HTR2C: variants seen among roughly 807,000 people sequenced by gnomAD.
HTR2C encodes 5-hydroxytryptamine (serotonin) receptor 2C, G protein-coupled.
Under a neutral mutation model 21.0 loss-of-function variants are expected in HTR2C, and 5 were observed. The ratio of observed to expected loss-of-function variants is 0.24; its 90% confidence interval spans 0.12 to 0.50. The LOEUF is 0.50. HTR2C is among the 20% of genes least tolerant of loss of function. The pLI, the probability that HTR2C is intolerant of heterozygous loss-of-function variation, is 0.98. For missense variants in HTR2C, 271 were observed against 371.2 expected (o/e 0.73, Z 2.22); for synonymous variants, 150 against 145.3 (o/e 1.03, Z -0.23).
At chrX:114,830,657 T>G (rs782585431) in intron 4 of HTR2C, among the ~76,000 whole-genome samples, 1 of 39,507 alleles carries the variant, frequency 2.5e-5, no homozygotes, top group African/African-American at 8.6e-5. Flanking sequence ...GTTAAAGAGA[T>G]AAACTTTATT....
At chrX:114,805,706 TACCATATATATACCATATATAC>T (rs2070405257) in intron 4 of HTR2C, among the ~76,000 whole-genome samples, 3 of 5,890 alleles carry the variant, frequency 5.1e-4, no homozygotes, top group Non-Finnish European at 7.4e-4. Context: ...ACCATATATA[TACCATATATATACCATATATAC>T]ACCATATATA....
At chrX:114,621,507 T>C (rs964115208) in intron 2 of HTR2C, among the ~76,000 whole-genome samples, 1 of 112,179 alleles carries the variant, frequency 8.9e-6, no homozygotes, top group Admixed American at 9.5e-5. Flanking sequence ...AAATACATCA[T>C]TCTTAGCTTG....
At chrX:114,687,958 C>T (rs1229329974) in intron 2 of HTR2C, among the ~76,000 whole-genome samples, 3 of 111,600 alleles carry the variant, frequency 2.7e-5, no homozygotes, top group East Asian at 2.8e-4. Context: ...TGTTATCCAA[C>T]GTCTCAGAGG....
At chrX:114,694,500 C>G (rs782434184) in intron 2 of HTR2C, among the ~76,000 whole-genome samples, 29 of 33,180 alleles carry the variant, frequency 8.7e-4, no homozygotes, top group Non-Finnish European at 1.6e-3. Flanking sequence ...TATACACACA[C>G]AGATTTAGAC....
chrX:114,775,309 T>C, intron 4 of HTR2C: 1 of 529,889 alleles, frequency 1.9e-6, no homozygotes. Flanking sequence ...GCAGAGACAT[T>C]GAGGATGCCA....
chrX:114,776,042 T>C lies in HTR2C; in HGVS notation c.349+44435T>C, dbSNP rs782213366. On this transcript the variant is annotated intron_variant, in intron 4 of 5. Transcript: ENST00000276198. ...CTCACTGATGTCTTTCTTATACTTA[T>C]GCTTGAACTCAGCAATAAAATGGCT... is the stretch of plus-strand genomic sequence containing the variant. The C allele has an allele frequency of 6.8e-6, 3 of 438,225 alleles. No individual in the cohort carries two copies. The South Asian group carries it at 9.6e-5, about 14-fold the overall frequency. The allele number at this position is 438,225 out of a possible 1,213,427, so 36.1% of individuals were successfully genotyped here. A position where few individuals can be genotyped will look rare whatever the true frequency, so the allele number is the denominator to read the frequency against.
intron 1 of HTR2C, among the ~76,000 whole-genome samples, chrX:114,607,132 G>T (rs899669453): frequency 1.8e-5 from 2 of 110,903 alleles, no homozygotes; most frequent in African/African-American, 6.7e-5. Flanking sequence ...TTAAGGTGGG[G>T]CAGGGCATAT....
chrX:114,712,696 C>T (rs781983780), intron 2 of HTR2C, among the ~76,000 whole-genome samples: 3 of 111,336 alleles, frequency 2.7e-5, no homozygotes, highest in Non-Finnish European at 5.7e-5. Context: ...CTCATGTTGT[C>T]GTCAGCTGTT....
intron 4 of HTR2C, among the ~76,000 whole-genome samples, chrX:114,765,764 T>A (rs1355023013): frequency 8.9e-6 from 1 of 111,851 alleles, no homozygotes; most frequent in Admixed American, 9.6e-5. Flanking sequence ...GTGTACTTAT[T>A]AGTACTGTAC....
In HTR2C at chrX:114,605,315, G is replaced by A. The variant is rs782301684; in HGVS notation, c.-146-8500G>A. On this transcript the variant is annotated intron_variant, in intron 1 of 5. Transcript: ENST00000276198. Reference sequence around the variant, plus strand: ...AAGATTATAGGGTGGAGGAGCAGAGGCTGAGGAAGAATTGGGACCTAGCTC... The same window carrying A: ...AAGATTATAGGGTGGAGGAGCAGAGACTGAGGAAGAATTGGGACCTAGCTC... Among the ~76,000 whole-genome samples, 387 of 110,839 alleles carry A rather than the reference G, an allele frequency of 3.5e-3. 1 individual carries two copies. The highest frequency in any genetic ancestry group is 0.012 in the African/African-American group (354 of 30,286).
chrX:114,616,864 C>G (rs1450083097), intron 2 of HTR2C, among the ~76,000 whole-genome samples: 1 of 111,596 alleles, frequency 9.0e-6, no homozygotes, highest in Non-Finnish European at 1.9e-5. Context: ...TCTGTAAAAC[C>G]GCATCAACAT....
At chrX:114,827,643 T>C (rs1043733331) in intron 4 of HTR2C, among the ~76,000 whole-genome samples, 1 of 111,178 alleles carries the variant, frequency 9.0e-6, no homozygotes, top group African/African-American at 3.3e-5. Context: ...CCTTTAACAT[T>C]TTTAGACCAA....
intron 4 of HTR2C, among the ~76,000 whole-genome samples, chrX:114,831,075 A>C (rs1463598988): frequency 1.3e-5 from 1 of 78,459 alleles, no homozygotes; most frequent in Non-Finnish European, 2.5e-5. Flanking sequence ...TATGTGCCAC[A>C]TTTTCTTAAT....
intron 5 of HTR2C, among the ~76,000 whole-genome samples, chrX:114,850,404 G>A (rs782099644): frequency 5.4e-5 from 6 of 110,993 alleles, no homozygotes; most frequent in Non-Finnish European, 1.1e-4. Flanking sequence ...GTGAGACTCT[G>A]TCACACACAC....
Position 114,909,226 on chromosome X carries a change from G to A in HTR2C, c.*1811G>A, listed in dbSNP as rs2071397274. The A allele has an allele frequency of 8.9e-6, 1 of 112,490 alleles. No individual in the cohort carries two copies. The highest frequency in any genetic ancestry group is 1.9e-5 in the Non-Finnish European group (1 of 53,283). 9.3% of individuals were successfully genotyped at this position (112,490 alleles called of 1,213,427 possible). A position where few individuals can be genotyped will look rare whatever the true frequency, so the allele number is the denominator to read the frequency against. On this transcript the variant is annotated 3_prime_UTR_variant, in exon 6 of 6. Transcript: ENST00000276198. ...TCTACCTGCCTTGCCTGTTAGGTCT[G>A]TTGAAGTGCATGTTAAAATAATTAT...
At chrX:114,806,625 T>G (rs1045788755) in intron 4 of HTR2C, among the ~76,000 whole-genome samples, 3 of 98,130 alleles carry the variant, frequency 3.1e-5, no homozygotes, top group Non-Finnish European at 6.1e-5. Context: ...ACACCATATA[T>G]ATACCATATA....
chrX:114,728,333 T>C (rs1028470956), intron 3 of HTR2C, among the ~76,000 whole-genome samples: 2 of 111,395 alleles, frequency 1.8e-5, no homozygotes, highest in Admixed American at 9.6e-5. Context: ...ACAATTAGGA[T>C]AAACTTTAAG....
At chrX:114,803,489 T>A (rs2070372100) in intron 4 of HTR2C, among the ~76,000 whole-genome samples, 1 of 105,816 alleles carries the variant, frequency 9.5e-6, no homozygotes. Context: ...CCAGTGATGG[T>A]GAGCATTTTT....
In HTR2C at chrX:114,603,381, G is replaced by A. The variant is rs868949800; in HGVS notation, c.-146-10434G>A. 8.4e-5 allele frequency among the ~76,000 whole-genome samples: 9 copies of A among 106,715 alleles called. 1 individual carries two copies. The South Asian group carries it at 2.6e-3, about 31-fold the overall frequency. The allele number at this position is 106,715 out of a possible 115,157, so 92.7% of individuals were successfully genotyped here. The stretch of plus-strand genomic sequence containing the variant: ...AAGTATTAAAGCAGCAGCAGCAGCC[G>A]CTGCATGCAGACATGAGGGCTAGGC... On this transcript the variant is annotated intron_variant, in intron 1 of 5. Coordinates refer to ENST00000276198, the MANE Select transcript of HTR2C (RefSeq NM_000868.4).
Sources: allele counts gnomAD v4.1 joint callset (sites outside exome capture counted in the v4.1 genomes callset), GRCh38; gene constraint gnomAD v4.1.1; transcripts MANE v1.5; gene names NCBI Gene and HGNC (gene_info 2026-07-23, HGNC 2026-07-21).